Variants in TDRD5 observed in about 807,000 individuals in gnomAD.
TDRD5 encodes the protein tudor domain containing 5, also known as tudor domain-containing protein 5.
A neutral mutation model predicts 120.6 loss-of-function variants in TDRD5; 41 were observed. The ratio of observed to expected loss-of-function variants is 0.34; its 90% confidence interval spans 0.26 to 0.44. TDRD5 has a LOEUF of 0.44. Ranked by LOEUF, TDRD5 falls within the 20% of genes least tolerant of loss-of-function variation. The pLI, the probability that TDRD5 is intolerant of heterozygous loss-of-function variation, is 1.00. For missense variants in TDRD5, 1,006 were observed against 1,221.2 expected, an observed-to-expected ratio of 0.82 and a Z score of 2.63; for synonymous variants, 430 against 433.7, an observed-to-expected ratio of 0.99 and a Z score of 0.11.
At chr1:179,686,236 A>G (rs895800088) in intron 17 of TDRD5, among the ~76,000 whole-genome samples, 6 of 149,568 alleles carry the variant, frequency 4.0e-5, no homozygotes, top group East Asian at 2.0e-4. Flanking sequence ...TAATTTATTG[A>G]GAGTTTTTAG....
At chr1:179,612,311 C>A (rs750510864) in intron 4 of TDRD5, among the ~76,000 whole-genome samples, 13 of 152,146 alleles carry the variant, frequency 8.5e-5, no homozygotes, top group Non-Finnish European at 1.2e-4. Context: ...CTGCCCATTG[C>A]TTTATTTCAC....
chr1:179,610,763 T>A (rs1217447950), intron 4 of TDRD5, among the ~76,000 whole-genome samples: 1 of 152,206 alleles, frequency 6.6e-6, no homozygotes, highest in Non-Finnish European at 1.5e-5. Context: ...TTCATTTTAA[T>A]GTTTTTTAAG....
intron 4 of TDRD5, among the ~76,000 whole-genome samples, chr1:179,616,309 T>A (rs1676563141): frequency 6.6e-6 from 1 of 152,192 alleles, no homozygotes; most frequent in Non-Finnish European, 1.5e-5. Flanking sequence ...TGAGGCTGTT[T>A]CTCTGGTCTC....
intron 17 of TDRD5, among the ~76,000 whole-genome samples, chr1:179,686,351 A>T (rs1680711041): frequency 6.6e-6 from 1 of 152,122 alleles, no homozygotes; most frequent in African/African-American, 2.4e-5. Context: ...ACGTTTATTG[A>T]TTTGCATATG....
chr1:179,644,249 G>GA (rs908833521), intron 11 of TDRD5, among the ~76,000 whole-genome samples: 1 of 152,118 alleles, frequency 6.6e-6, no homozygotes, highest in African/African-American at 2.4e-5. Context: ...GGGCAAATAT[G>GA]AAAGACTATT....
chr1:179,630,804 G>C lies in TDRD5; in HGVS notation c.1010G>C (p.Gly337Ala), dbSNP rs1677394991. The change falls in exon 7 of 18, where the codon GGC (glycine) becomes GCC (alanine). Residue 337 changes from glycine (G) to alanine (A), a missense_variant. Gly to Ala is a moderately conservative substitution (Grantham distance 60). Coordinates refer to ENST00000444136, the MANE Select transcript of TDRD5 (RefSeq NM_001199085.3). ...GAGCAACTATCACCAAAAAAATTAGGCTTCTTAAATGTGACAGAACTTGTT... is the reference window on the plus strand; with the variant it reads ...GAGCAACTATCACCAAAAAAATTAGCCTTCTTAAATGTGACAGAACTTGTT... ...FKEQLSPKKL[G>A]FLNVTELVGA... 6.2e-7 allele frequency: 1 copy of C among 1,613,128 alleles called. No individual in the cohort carries two copies. Among genetic ancestry groups the C allele is most frequent in the Non-Finnish European group, 8.5e-7 (1 of 1,179,766 alleles).
intron 14 of TDRD5, among the ~76,000 whole-genome samples, chr1:179,659,850 C>T (rs556933661): frequency 4.2e-4 from 64 of 151,542 alleles, no homozygotes; most frequent in Non-Finnish European, 7.4e-4. Flanking sequence ...GGTGTGCGCC[C>T]CATGCCCGGC....
rs189176993 is a variant in TDRD5 at position 179,680,101 on chromosome 1, C to A, written c.2861-10595C>A. Among the ~76,000 whole-genome samples the A allele has an allele frequency of 5.6e-4, 85 of 152,124 alleles. No homozygotes were observed. The East Asian group carries it at 0.014, about 25-fold the overall frequency. On this transcript the variant is annotated intron_variant, in intron 17 of 17. Coordinates refer to ENST00000444136, the MANE Select transcript of TDRD5 (RefSeq NM_001199085.3). ...TATCTAGAATTATGTTGTTTAATTT[C>A]CACATACTTGGGGGTTTTCCAGATG...
intron 12 of TDRD5, among the ~76,000 whole-genome samples, chr1:179,651,763 A>C (rs1427658160): frequency 6.6e-6 from 1 of 151,966 alleles, no homozygotes; most frequent in African/African-American, 2.4e-5. Flanking sequence ...AATACAAAAA[A>C]TTAGTCAGGC....
intron 2 of TDRD5, 107 bp downstream of exon 2, chr1:179,592,954 T>A: frequency 8.5e-7 from 1 of 1,175,160 alleles, no homozygotes; most frequent in Non-Finnish European, 1.2e-6. Context: ...CAGTGGATTT[T>A]AATTTGGTGG....
At chr1:179,626,134 A>G (rs1265230936) in intron 6 of TDRD5, among the ~76,000 whole-genome samples, 1 of 152,110 alleles carries the variant, frequency 6.6e-6, no homozygotes, top group East Asian at 1.9e-4. Context: ...TAGTGGGTGC[A>G]GCGCACCAGC....
In TDRD5 at chr1:179,595,614, A is replaced by G. The variant is rs373358057; in HGVS notation, c.641-14A>G. ...AGTGACAATTTTTCTTTCTTCTTCTATTACTCACAAAAGGTAAAATTTTTA... is the reference window on the plus strand; with the variant it reads ...AGTGACAATTTTTCTTTCTTCTTCTGTTACTCACAAAAGGTAAAATTTTTA... On this transcript the variant is annotated splice_polypyrimidine_tract_variant and intron_variant, in intron 3 of 17. Coordinates refer to ENST00000444136, the MANE Select transcript of TDRD5 (RefSeq NM_001199085.3). 3.8e-5 allele frequency: 58 copies of G among 1,539,462 alleles called. No individual in the cohort carries two copies. The African/African-American group carries it at 7.1e-4, about 19-fold the overall frequency.
At chr1:179,594,815 CTAAG>C (rs1203082188) in intron 3 of TDRD5, among the ~76,000 whole-genome samples, 3 of 152,200 alleles carry the variant, frequency 2.0e-5, no homozygotes, top group Non-Finnish European at 4.4e-5. Flanking sequence ...CTGGAGGCCA[CTAAG>C]TGTTTCAAGT....
In TDRD5 at chr1:179,593,489, G is replaced by A; in HGVS notation, c.262G>A (p.Ala88Thr). ...TCCAGATGAATCTACCAAAGGAATA[G>A]CAAGCTTAGTTGCAAAACAGAGGAG... ...AIPDESTKGI[A>T]SLVAKQRSSH... The change falls in exon 3 of 18, where the codon GCA becomes ACA. Residue 88 changes from alanine to threonine, a missense_variant. This residue lies in a region of TDRD5 where 445 missense variants were observed against 515.5 expected (regional missense o/e 0.86). Coordinates refer to ENST00000444136, the MANE Select transcript of TDRD5 (RefSeq NM_001199085.3). 6.2e-7 allele frequency: 1 copy of A among 1,613,498 alleles called. No individual in the cohort carries two copies.
At chr1:179,648,690 A>G (rs116648798) in intron 11 of TDRD5, among the ~76,000 whole-genome samples, 21 of 152,172 alleles carry the variant, frequency 1.4e-4, no homozygotes, top group African/African-American at 3.6e-4. Flanking sequence ...TTTTTAGTCA[A>G]ACTTCCTACT....
chr1:179,614,079 T>A, intron 4 of TDRD5, among the ~76,000 whole-genome samples: 1 of 152,342 alleles, frequency 6.6e-6, no homozygotes. Flanking sequence ...TGTCTGTTTT[T>A]AAATTTTTTT....
At chr1:179,617,159 A>T (rs1048735897) in intron 4 of TDRD5, among the ~76,000 whole-genome samples, 17 of 152,208 alleles carry the variant, frequency 1.1e-4, no homozygotes, top group African/African-American at 4.1e-4. Flanking sequence ...ACCCATGGAA[A>T]TGCCCAAGAA....
At chr1:179,613,997 T>C (rs1676426222) in intron 4 of TDRD5, among the ~76,000 whole-genome samples, 2 of 152,240 alleles carry the variant, frequency 1.3e-5, no homozygotes, top group Non-Finnish European at 2.9e-5. Context: ...TCTGTTTCTT[T>C]CTGCTTTTAG....
chr1:179,614,942 A>C (rs1330888426), intron 4 of TDRD5, among the ~76,000 whole-genome samples: 1 of 152,126 alleles, frequency 6.6e-6, no homozygotes, highest in African/African-American at 2.4e-5. Context: ...TATATTGTTA[A>C]GTGTAGTCAA....
Sources: gnomAD v4.1 joint callset for allele counts (sites outside exome capture counted in the v4.1 genomes callset) on GRCh38, gnomAD v4.1.1 for gene constraint, gnomAD v4.1.1 regional missense constraint, MANE v1.5 for transcripts, NCBI Gene and HGNC (gene_info 2026-07-23, HGNC 2026-07-21) for gene names.